NBEA: variants seen among roughly 807,000 people sequenced by gnomAD.
The protein encoded by NBEA is lysosomal-trafficking regulator 2.
Under a neutral mutation model 343.4 loss-of-function variants are expected in NBEA, and 44 were observed. The ratio of observed to expected loss-of-function variants is 0.13; its 90% CI spans 0.10 to 0.16. NBEA has a LOEUF of 0.16. NBEA is among the 10% of genes least tolerant of loss of function. The pLI, the probability that NBEA is intolerant of heterozygous loss-of-function variation, is 1.00. For missense variants in NBEA, 2,555 were observed against 3,631.3 expected (o/e 0.70, Z 7.62); for synonymous variants, 1,175 against 1,238.7 (o/e 0.95, Z 1.08).
At chr13:35,146,357 A>T (rs763239536) in intron 18 of NBEA, among the ~76,000 whole-genome samples, 1 of 152,156 alleles carries the variant, frequency 6.6e-6, no homozygotes, top group African/African-American at 2.4e-5. Flanking sequence ...GGCCTTTAGG[A>T]CAGAGTAACT....
chr13:35,538,344 G>A (rs1164124282), intron 41 of NBEA, among the ~76,000 whole-genome samples: 1 of 152,168 alleles, frequency 6.6e-6, no homozygotes, highest in East Asian at 1.9e-4. Flanking sequence ...CTATCAGAAA[G>A]CAAAGGTGTC....
At chr13:35,508,329 G>A (rs1007313023) in intron 41 of NBEA, among the ~76,000 whole-genome samples, 8 of 152,148 alleles carry the variant, frequency 5.3e-5, no homozygotes, top group Non-Finnish European at 1.0e-4. Context: ...AGTTTTGAGG[G>A]ATATTATAAG....
chr13:35,667,166 G>C (rs1056091063), intron 56 of NBEA, among the ~76,000 whole-genome samples: 1 of 152,190 alleles, frequency 6.6e-6, no homozygotes, highest in South Asian at 2.1e-4. Context: ...GTGAAGAAGC[G>C]TGCGGCGTAG....
intron 34 of NBEA, among the ~76,000 whole-genome samples, chr13:35,284,092 T>G (rs2035255901): frequency 6.6e-6 from 1 of 152,142 alleles, no homozygotes; most frequent in South Asian, 2.1e-4. Context: ...CATTTGTTTA[T>G]GTATTGTCTA....
chr13:35,319,716 G>A (rs529902369), intron 36 of NBEA, among the ~76,000 whole-genome samples: 9 of 152,192 alleles, frequency 5.9e-5, no homozygotes, highest in South Asian at 2.1e-4. Context: ...CTATTATTGC[G>A]TAGGAGTCTA....
chr13:35,040,694 A>G (rs2062617734), intron 1 of NBEA, among the ~76,000 whole-genome samples: 1 of 152,034 alleles, frequency 6.6e-6, no homozygotes, highest in South Asian at 2.1e-4. Flanking sequence ...GCTCTATTTT[A>G]CTAGATTTGA....
At chr13:35,037,216 T>C (rs2062476417) in intron 1 of NBEA, among the ~76,000 whole-genome samples, 1 of 152,228 alleles carries the variant, frequency 6.6e-6, no homozygotes, top group South Asian at 2.1e-4. Flanking sequence ...ATTGCATTTT[T>C]GAACTGCAGA....
At chr13:35,224,011 T>C (rs1048979723) in intron 33 of NBEA, among the ~76,000 whole-genome samples, 1 of 152,194 alleles carries the variant, frequency 6.6e-6, no homozygotes, top group Admixed American at 6.6e-5. Flanking sequence ...GAGGCTTCCC[T>C]TATCTCCTAG....
chr13:35,466,483 G>A (rs116526428), intron 40 of NBEA, among the ~76,000 whole-genome samples: 97 of 152,212 alleles, frequency 6.4e-4, no homozygotes, highest in African/African-American at 2.3e-3. Context: ...AAAACATCCT[G>A]TAACTATTTC....
intron 10 of NBEA, among the ~76,000 whole-genome samples, chr13:35,092,387 A>G (rs1322675467): frequency 1.3e-5 from 2 of 151,998 alleles, no homozygotes; most frequent in East Asian, 1.9e-4. Flanking sequence ...GACTTTGTCT[A>G]AGTTAAAAAC....
intron 1 of NBEA, among the ~76,000 whole-genome samples, chr13:34,949,128 C>T (rs1037421313): frequency 6.6e-6 from 1 of 152,108 alleles, no homozygotes; most frequent in Non-Finnish European, 1.5e-5. Context: ...TAACAGTAAT[C>T]CAGTTGTGAA....
intron 17 of NBEA, among the ~76,000 whole-genome samples, chr13:35,140,632 C>T (rs1039872229): frequency 1.3e-5 from 2 of 152,114 alleles, no homozygotes; most frequent in Non-Finnish European, 2.9e-5. Context: ...CTTCCCTGGA[C>T]TGAGGCAGAT....
intron 30 of NBEA, among the ~76,000 whole-genome samples, chr13:35,193,092 GCATTTA>G (rs2072317678): frequency 6.6e-6 from 1 of 151,812 alleles, no homozygotes; most frequent in South Asian, 2.1e-4. Flanking sequence ...TTTTGTTTCT[GCATTTA>G]CATTTTCTGT....
chr13:35,670,852 CACA>C, intron 58 of NBEA, 46 bp from the exon 59 acceptor site: 1 of 1,317,094 alleles, frequency 7.6e-7, no homozygotes, highest in Non-Finnish European at 1.1e-6. Flanking sequence ...AAATAGCAAC[CACA>C]GAAATGATTT....
chr13:35,302,383 C>T (rs2036612191), intron 35 of NBEA, among the ~76,000 whole-genome samples: 1 of 152,076 alleles, frequency 6.6e-6, no homozygotes, highest in Admixed American at 6.6e-5. Context: ...TTGTTAATAG[C>T]AGTTCATAAT....
At chr13:35,458,429 A>G (rs1241059386) in intron 40 of NBEA, among the ~76,000 whole-genome samples, 1 of 152,184 alleles carries the variant, frequency 6.6e-6, no homozygotes, top group East Asian at 1.9e-4. Context: ...TTTGCCCTCA[A>G]AGGTTCCCAC....
At chr13:35,502,843 A>C (rs929986921) in intron 41 of NBEA, among the ~76,000 whole-genome samples, 1 of 152,136 alleles carries the variant, frequency 6.6e-6, no homozygotes, top group Admixed American at 6.6e-5. Context: ...GCTTCCCTCC[A>C]TAGCTCCAAA....
intron 27 of NBEA, 119 bp from the exon 28 acceptor site, chr13:35,176,877 A>G (rs2070939557): frequency 3.2e-6 from 2 of 631,340 alleles, no homozygotes; most frequent in Middle Eastern, 3.7e-4. Context: ...TGATCAATAA[A>G]TGTTAACTCA....
chr13:35,366,619 T>TTTATAA (rs2041131285), intron 38 of NBEA, among the ~76,000 whole-genome samples: 1 of 150,074 alleles, frequency 6.7e-6, no homozygotes, highest in African/African-American at 2.5e-5. Flanking sequence ...TCATTTTAAT[T>TTTATAA]TTATAATTAT....
Sources: allele counts gnomAD v4.1 joint callset (sites outside exome capture counted in the v4.1 genomes callset), GRCh38; gene constraint gnomAD v4.1.1; transcripts MANE v1.5; gene names NCBI Gene and HGNC (gene_info 2026-07-23, HGNC 2026-07-21).